PARN: variants seen among roughly 807,000 people sequenced by gnomAD.
The protein encoded by PARN is poly(A)-specific ribonuclease, also known as poly(A)-specific ribonuclease PARN.
PARN carries 71 observed loss-of-function variants against 102.8 expected under a neutral mutation model. That is an observed-to-expected ratio of 0.69 (90% CI 0.57 to 0.84). PARN has a LOEUF of 0.84. Among genes scored for constraint, PARN ranks in the 40% least tolerant of loss-of-function variants. The pLI is 0.00. For synonymous variants in PARN, 261 were observed against 252.9 expected (o/e 1.03, Z -0.30); for missense variants, 782 against 760.9 (o/e 1.03, Z -0.33).
intron 18 of PARN, among the ~76,000 whole-genome samples, chr16:14,569,757 C>T (rs894318190): frequency 6.6e-6 from 1 of 151,922 alleles, no homozygotes; most frequent in Middle Eastern, 3.2e-3. Flanking sequence ...TAGAGGTAAC[C>T]AGGAGCTGAG....
intron 22 of PARN, among the ~76,000 whole-genome samples, chr16:14,480,566 G>A (rs4782164): frequency 3.5e-4 from 54 of 152,296 alleles, no homozygotes; most frequent in Admixed American, 5.9e-4. Flanking sequence ...TTAAATGGTC[G>A]TCAATATCAT....
chr16:14,584,359 G>T lies in PARN; in HGVS notation c.1069C>A (p.Pro357Thr), dbSNP rs767096267. 17 of 1,609,338 alleles carry T rather than the reference G, an allele frequency of 1.1e-5. No individual in the cohort carries two copies. The highest frequency in any genetic ancestry group is 1.6e-4 in the Middle Eastern group (1 of 6,082). Residue 357 changes from proline to threonine, a missense_variant, in exon 16 of 24, where the codon CCT (proline) becomes ACT (threonine). Pro to Thr is a conservative substitution (Grantham distance 38, BLOSUM62 -1). Coordinates refer to ENST00000437198, the MANE Select transcript of PARN (RefSeq NM_002582.4). ...TTAATATTCTTACCAACTTTAGGAGGGTTGAAAGGTGTCTCTTTTAACCGC... is the reference window on the plus strand; with the variant it reads ...TTAATATTCTTACCAACTTTAGGAGTGTTGAAAGGTGTCTCTTTTAACCGC... ...EKRLKETPFN[P>T]PKVESAEGFP...
Position 14,436,763 on chromosome 16 carries a change from G to T in PARN, c.1874C>A (p.Ser625Ter). 1 of 1,591,366 alleles carries T rather than the reference G, an allele frequency of 6.3e-7. No homozygotes were observed. Among genetic ancestry groups the T allele is most frequent in the East Asian group, 2.3e-5 (1 of 43,942 alleles). The change falls in exon 24 of 24, where the codon TCG becomes TAG. Residue 625 changes from serine to a stop codon, truncating the protein, a stop_gained. Coordinates refer to ENST00000437198, the MANE Select transcript of PARN (RefSeq NM_002582.4). LOFTEE classifies it high-confidence loss of function. ...KKELSPAGSI[S>*]KNSPATLFEV... ...AAAGAGTGTGGCAGGGCTGTTCTTC[G>T]AGATGCTTCCTGGTGGGAAAGAACA...
At chr16:14,548,102 G>T (rs940291933) in intron 21 of PARN, among the ~76,000 whole-genome samples, 1 of 151,932 alleles carries the variant, frequency 6.6e-6, no homozygotes, top group Non-Finnish European at 1.5e-5. Flanking sequence ...ACAAAAATTA[G>T]CCGGGAGTGG....
intron 18 of PARN, among the ~76,000 whole-genome samples, chr16:14,573,475 C>G (rs1968930273): frequency 1.3e-5 from 2 of 152,178 alleles, no homozygotes; most frequent in African/African-American, 4.8e-5. Flanking sequence ...CCCCGCACCC[C>G]TTATATTTCA....
intron 21 of PARN, among the ~76,000 whole-genome samples, chr16:14,530,023 A>C (rs1227253187): frequency 6.6e-6 from 1 of 152,168 alleles, no homozygotes; most frequent in Non-Finnish European, 1.5e-5. Flanking sequence ...TGCCTTCTTC[A>C]ATGCAGTGGC....
chr16:14,576,258 C>T (rs1474217688), intron 18 of PARN: 3 of 152,198 alleles, frequency 2.0e-5, no homozygotes, highest in Admixed American at 2.0e-4. Context: ...CCAGGAAGGC[C>T]TAGATTTCCA....
chr16:14,455,555 G>A (rs1365384805), intron 22 of PARN, among the ~76,000 whole-genome samples: 2 of 152,174 alleles, frequency 1.3e-5, no homozygotes, highest in Non-Finnish European at 2.9e-5. Context: ...ATCCTAGCAA[G>A]GTTAACAGCA....
intron 13 of PARN, among the ~76,000 whole-genome samples, chr16:14,588,400 G>A (rs534725999): frequency 6.6e-6 from 1 of 152,160 alleles, no homozygotes; most frequent in East Asian, 1.9e-4. Context: ...ATTTTCAGCA[G>A]GGTCAGTGAC....
chr16:14,620,356 G>A (rs182965434), intron 5 of PARN, among the ~76,000 whole-genome samples: 211 of 152,282 alleles, frequency 1.4e-3, no homozygotes, highest in Middle Eastern at 6.8e-3. Context: ...CAGCCTGGGC[G>A]ACAGAGCGAG....
At chr16:14,534,891 A>G (rs1966545080) in intron 21 of PARN, among the ~76,000 whole-genome samples, 2 of 150,664 alleles carry the variant, frequency 1.3e-5, no homozygotes, top group Non-Finnish European at 3.0e-5. Context: ...CTGGAGTGCA[A>G]TGGCGCCATC....
chr16:14,457,674 T>G (rs1242799588), intron 22 of PARN, among the ~76,000 whole-genome samples: 1 of 151,756 alleles, frequency 6.6e-6, no homozygotes, highest in Non-Finnish European at 1.5e-5. Flanking sequence ...GGTGTATGCC[T>G]GTAATCCCAG....
intron 21 of PARN, among the ~76,000 whole-genome samples, chr16:14,486,910 G>T (rs772389010): frequency 2.0e-5 from 3 of 152,234 alleles, no homozygotes; most frequent in Non-Finnish European, 2.9e-5. Context: ...TTGCCACTTT[G>T]TGAAAGCCAC....
At chr16:14,593,492 T>TA (rs35329440) in intron 12 of PARN, 114 bp from the exon 13 acceptor site, 11,112 of 31,496 alleles carry the variant, frequency 0.35, 3,535 homozygotes, top group African/African-American at 0.47. Context: ...TTTCCAGACT[T>TA]AAAAAAAAAA....
At chr16:14,475,956 G>T (rs550630395) in intron 22 of PARN, among the ~76,000 whole-genome samples, 40 of 152,276 alleles carry the variant, frequency 2.6e-4, no homozygotes, top group Non-Finnish European at 4.9e-4. Flanking sequence ...TAAGACAAAA[G>T]ATCGCAAAGG....
chr16:14,576,080 T>G (rs745655968), intron 18 of PARN: 1 of 152,434 alleles, frequency 6.6e-6, no homozygotes, highest in Non-Finnish European at 1.5e-5. Flanking sequence ...ACCTCTTTAT[T>G]TTGTAAATTG....
chr16:14,475,293 G>A (rs1313722363), intron 22 of PARN, among the ~76,000 whole-genome samples: 1 of 152,216 alleles, frequency 6.6e-6, no homozygotes, highest in Non-Finnish European at 1.5e-5. Flanking sequence ...CTATCTTTCA[G>A]GAAAGTTGCG....
intron 11 of PARN, among the ~76,000 whole-genome samples, chr16:14,601,357 G>A (rs1970853986): frequency 6.6e-6 from 1 of 152,172 alleles, no homozygotes; most frequent in African/African-American, 2.4e-5. Flanking sequence ...GCCAGTCACA[G>A]GAGGACAAAT....
chr16:14,580,762 C>T (rs184520216), intron 18 of PARN, 112 bp downstream of exon 18: 6 of 591,810 alleles, frequency 1.0e-5, no homozygotes, highest in African/African-American at 7.3e-5. Flanking sequence ...AGATGAAAAA[C>T]AGCTTATCTA....
Sources: allele counts gnomAD v4.1 joint callset (sites outside exome capture counted in the v4.1 genomes callset), GRCh38; gene constraint gnomAD v4.1.1; transcripts MANE v1.5; gene names NCBI Gene and HGNC (gene_info 2026-07-23, HGNC 2026-07-21).